The following CASS4 variants were observed in gnomAD, a reference collection of about 807,000 sequenced individuals.
CASS4 encodes the protein Cas scaffold protein family member 4, also known as cas scaffolding protein family member 4.
A neutral mutation model predicts 54.2 loss-of-function variants in CASS4; 22 were observed. The observed-to-expected ratio is 0.41, with a 90% confidence interval of 0.29 to 0.58. The LOEUF (loss-of-function observed/expected upper bound fraction) is 0.58, where lower values mean the gene tolerates loss of function less well. Among genes scored for constraint, CASS4 ranks in the 20% least tolerant of loss-of-function variants. The pLI, the probability that CASS4 is intolerant of heterozygous loss-of-function variation, is 0.36. For missense variants in CASS4, 854 were observed against 986.7 expected (o/e 0.87, Z 1.80); for synonymous variants, 409 against 391.5 (o/e 1.04, Z -0.53).
chr20:56,413,672 C>CAAAAAAA (rs35217347), intron 1 of CASS4, among the ~76,000 whole-genome samples: 1 of 28,310 alleles, frequency 3.5e-5, no homozygotes, highest in Non-Finnish European at 6.7e-5. Context: ...GACTCTGTCT[C>CAAAAAAA]AAAAAAAAAA....
At chr20:56,438,577 G>A (rs1980307179) in intron 2 of CASS4, among the ~76,000 whole-genome samples, 1 of 152,160 alleles carries the variant, frequency 6.6e-6, no homozygotes, top group South Asian at 2.1e-4. Flanking sequence ...TCAAAAAAGA[G>A]GCAGGGCGCA....
intron 5 of CASS4, among the ~76,000 whole-genome samples, chr20:56,455,117 G>T (rs1981228756): frequency 7.5e-6 from 1 of 132,808 alleles, no homozygotes. Context: ...TTTTACACTT[G>T]ATGTTCTTCC....
At chr20:56,419,356 A>T (rs944263710) in intron 1 of CASS4, among the ~76,000 whole-genome samples, 6 of 152,150 alleles carry the variant, frequency 3.9e-5, no homozygotes, top group African/African-American at 1.4e-4. Context: ...ACCTACGAAA[A>T]GCATAGTCGA....
At chr20:56,415,776 C>T (rs1234923729) in intron 1 of CASS4, among the ~76,000 whole-genome samples, 1 of 152,202 alleles carries the variant, frequency 6.6e-6, no homozygotes, top group East Asian at 1.9e-4. Flanking sequence ...GGACTGTTCT[C>T]GCAAGCTGTT....
chr20:56,451,831 C>G lies in CASS4; in HGVS notation c.655C>G (p.Pro219Ala), dbSNP rs1456772539. ...GGTTCTCCCACAGGGGCAGGGTGTT[C>G]CCCTGATATCAGTGACTACCTTAAG... ...PDSQASGQGV[P>A]LISVTTLRRG... is the part of the protein sequence containing the mutation. The change falls in exon 5 of 6, where the codon CCC becomes GCC. Residue 219 changes from proline (P) to alanine (A), a missense_variant. Transcript: ENST00000679887. 2 of 1,610,684 alleles carry G rather than the reference C, an allele frequency of 1.2e-6. No individual in the cohort carries two copies. The highest frequency in any genetic ancestry group is 1.7e-6 in the Non-Finnish European group (2 of 1,177,346).
chr20:56,455,821 C>T (rs1180832066), intron 5 of CASS4, among the ~76,000 whole-genome samples: 1 of 152,128 alleles, frequency 6.6e-6, no homozygotes, highest in East Asian at 1.9e-4. Flanking sequence ...ATCCCAGCTA[C>T]TCGGGAGGCT....
rs6014731 is a variant in CASS4 at position 56,440,285 on chromosome 20, G to A, written c.459+2699G>A. Among the ~76,000 whole-genome samples the A allele has an allele frequency of 8.0e-3, 1,213 of 152,276 alleles. 19 individuals carry two copies. Among genetic ancestry groups the A allele is most frequent in the African/African-American group, 0.028 (1,164 of 41,548 alleles). On this transcript the variant is annotated intron_variant, in intron 2 of 5. Transcript: ENST00000679887. Reference sequence around the variant, plus strand: ...CAGCTGCTGTCTGAGCAGCTGACTCGGAGCAGAGCTTTGCTGAGGTTTCTT... The same window carrying A: ...CAGCTGCTGTCTGAGCAGCTGACTCAGAGCAGAGCTTTGCTGAGGTTTCTT...
rs1309805513 is a variant in CASS4 at position 56,450,628 on chromosome 20, A to G, written c.591A>G (p.Ile197Met). Residue 197 changes from isoleucine to methionine, a missense_variant, in exon 4 of 6, where the codon ATA becomes ATG. Transcript: ENST00000679887. ...KEPEKQQLYD[I>M]PASPKKAGLH... ...CAGAGAAGCAGCAGTTATATGACATACCAGCCAGCCCCAAGAAGGCAGGAC... is the reference window on the plus strand; with the variant it reads ...CAGAGAAGCAGCAGTTATATGACATGCCAGCCAGCCCCAAGAAGGCAGGAC... 2.5e-6 allele frequency: 4 copies of G among 1,613,976 alleles called. No homozygotes were observed. The African/African-American group carries it at 5.3e-5, about 22-fold the overall frequency.
At chr20:56,435,237 A>G (rs1980099252) in intron 1 of CASS4, among the ~76,000 whole-genome samples, 1 of 152,250 alleles carries the variant, frequency 6.6e-6, no homozygotes, top group African/African-American at 2.4e-5. Context: ...GTAACAGAAT[A>G]GAGATATTAG....
At chr20:56,445,778 C>T (rs370923868) in intron 2 of CASS4, 122 bp from the exon 3 acceptor site, 11 of 684,992 alleles carry the variant, frequency 1.6e-5, no homozygotes, top group African/African-American at 8.9e-5. Context: ...GCGGGGGTGC[C>T]GGGCGACCCC....
chr20:56,421,177 G>T (rs2146265292), intron 1 of CASS4, among the ~76,000 whole-genome samples: 1 of 152,304 alleles, frequency 6.6e-6, no homozygotes, highest in African/African-American at 2.4e-5. Context: ...GCATGCCAGA[G>T]GATTTCAAGT....
intron 5 of CASS4, among the ~76,000 whole-genome samples, chr20:56,454,272 A>G (rs1981181670): frequency 6.6e-6 from 1 of 152,168 alleles, no homozygotes; most frequent in Non-Finnish European, 1.5e-5. Flanking sequence ...CAGTTCAGGG[A>G]TTGTGAGCCT....
At chr20:56,444,274 GC>G (rs1980602281) in intron 2 of CASS4, among the ~76,000 whole-genome samples, 3 of 152,142 alleles carry the variant, frequency 2.0e-5, no homozygotes, top group African/African-American at 7.2e-5. Context: ...CTGCTCCTCT[GC>G]CTGCGTTCCC....
At chr20:56,442,994 C>T (rs1296433742) in intron 2 of CASS4, among the ~76,000 whole-genome samples, 1 of 151,506 alleles carries the variant, frequency 6.6e-6, no homozygotes, top group African/African-American at 2.4e-5. Context: ...ATCCCACAGT[C>T]AGCCATCAAA....
intron 1 of CASS4, among the ~76,000 whole-genome samples, chr20:56,421,211 A>G (rs1485904345): frequency 2.0e-5 from 3 of 152,262 alleles, no homozygotes; most frequent in African/African-American, 7.2e-5. Flanking sequence ...CAGTTTTTGT[A>G]CAATACTGGT....
In CASS4 at chr20:56,433,315, T is replaced by C. The variant is rs142262463; in HGVS notation, c.37-3849T>C. On this transcript the variant is annotated intron_variant, in intron 1 of 5. Coordinates refer to ENST00000679887, the MANE Select transcript of CASS4 (RefSeq NM_020356.4). ...GGAATTTCACTGGGTGGAAAGCTGC[T>C]GACTGCTTTGGGGTAGAGAGAACAG... is the stretch of plus-strand genomic sequence containing the variant. Among the ~76,000 whole-genome samples the C allele has an allele frequency of 3.6e-3, 548 of 152,322 alleles. 4 individuals are homozygous for C. Among genetic ancestry groups the C allele is most frequent in the African/African-American group, 0.013 (524 of 41,564 alleles).
chr20:56,428,334 C>T (rs775742621), intron 1 of CASS4, among the ~76,000 whole-genome samples: 1 of 152,194 alleles, frequency 6.6e-6, no homozygotes, highest in Non-Finnish European at 1.5e-5. Context: ...AACTGTGGGG[C>T]AGCTTAGACA....
intron 1 of CASS4, among the ~76,000 whole-genome samples, chr20:56,419,618 G>T (rs1019626787): frequency 1.3e-5 from 2 of 151,894 alleles, no homozygotes; most frequent in African/African-American, 2.4e-5. Context: ...GTAGAGGTGG[G>T]TTTTTTTTCA....
intron 5 of CASS4, among the ~76,000 whole-genome samples, chr20:56,455,447 G>A (rs1299702491): frequency 6.6e-6 from 1 of 152,208 alleles, no homozygotes; most frequent in East Asian, 1.9e-4. Flanking sequence ...ATAAGGTCAT[G>A]TACCTTCTCA....
Sources: allele counts gnomAD v4.1 joint callset (sites outside exome capture counted in the v4.1 genomes callset), GRCh38; gene constraint gnomAD v4.1.1; transcripts MANE v1.5; gene names NCBI Gene and HGNC (gene_info 2026-07-23, HGNC 2026-07-21).